The following NPAS3 variants were observed in gnomAD, a reference collection of about 807,000 sequenced individuals.
NPAS3 encodes neuronal PAS domain-containing protein 3.
A neutral mutation model predicts 73.1 loss-of-function variants in NPAS3; 14 were observed. The ratio of observed to expected loss-of-function variants is 0.19; its 90% confidence interval spans 0.13 to 0.30. The LOEUF is 0.30. Among genes scored for constraint, NPAS3 ranks in the 10% least tolerant of loss-of-function variants. The pLI is 1.00. For missense variants in NPAS3, 1,096 were observed against 1,250.0 expected, an observed-to-expected ratio of 0.88 and a Z score of 1.86; for synonymous variants, 620 against 541.5, an observed-to-expected ratio of 1.14 and a Z score of -2.01.
intron 3 of NPAS3, among the ~76,000 whole-genome samples, chr14:33,345,675 C>A (rs1042061900): frequency 1.1e-4 from 16 of 152,186 alleles, no homozygotes; most frequent in African/African-American, 3.9e-4. Flanking sequence ...CAGAATTAAA[C>A]TTTTATGACT....
intron 7 of NPAS3, among the ~76,000 whole-genome samples, chr14:33,763,903 A>G (rs1322496482): frequency 6.6e-6 from 1 of 151,536 alleles, no homozygotes; most frequent in Non-Finnish European, 1.5e-5. Context: ...AATTTTAACT[A>G]TAAGAAATAG....
intron 2 of NPAS3, among the ~76,000 whole-genome samples, chr14:33,140,270 C>T (rs1224656449): frequency 2.0e-5 from 3 of 152,058 alleles, no homozygotes; most frequent in Non-Finnish European, 1.5e-5. Context: ...GTGGCTAATA[C>T]ATCACTCAGA....
chr14:33,714,564 C>A (rs1352428644), intron 6 of NPAS3, among the ~76,000 whole-genome samples: 1 of 152,142 alleles, frequency 6.6e-6, no homozygotes, highest in Non-Finnish European at 1.5e-5. Flanking sequence ...AAAATTGAGT[C>A]TTTCTTAGGA....
At chr14:33,747,905 C>G (rs1289831580) in intron 7 of NPAS3, among the ~76,000 whole-genome samples, 1 of 152,172 alleles carries the variant, frequency 6.6e-6, no homozygotes, top group Non-Finnish European at 1.5e-5. Flanking sequence ...ACCTCCCCAT[C>G]TACAATATAT....
intron 5 of NPAS3, among the ~76,000 whole-genome samples, chr14:33,672,639 A>G (rs1007667268): frequency 1.3e-5 from 2 of 152,274 alleles, no homozygotes; most frequent in African/African-American, 4.8e-5. Context: ...TTTGAGGCAC[A>G]GAATTTAGTA....
intron 6 of NPAS3, among the ~76,000 whole-genome samples, chr14:33,719,032 G>T (rs1396114418): frequency 2.0e-5 from 3 of 152,126 alleles, no homozygotes; most frequent in Non-Finnish European, 4.4e-5. Context: ...GGAGGCTGAG[G>T]TTGGAGGATT....
At chr14:33,125,550 T>G (rs1456590837) in intron 2 of NPAS3, among the ~76,000 whole-genome samples, 1 of 152,164 alleles carries the variant, frequency 6.6e-6, no homozygotes, top group Non-Finnish European at 1.5e-5. Flanking sequence ...AGGACGTTAC[T>G]CACCTCTGAA....
chr14:33,255,154 T>A (rs531378786), intron 3 of NPAS3, among the ~76,000 whole-genome samples: 1 of 152,322 alleles, frequency 6.6e-6, no homozygotes, highest in Admixed American at 6.5e-5. Context: ...ATGGCTAACA[T>A]AGCAGGTTTG....
intron 3 of NPAS3, among the ~76,000 whole-genome samples, chr14:33,349,765 T>A (rs958362883): frequency 1.3e-5 from 2 of 152,246 alleles, no homozygotes; most frequent in Non-Finnish European, 2.9e-5. Context: ...CCTTTTCCCG[T>A]CCTGATGGGA....
intron 2 of NPAS3, among the ~76,000 whole-genome samples, chr14:33,112,968 G>T (rs898302234): frequency 6.6e-6 from 1 of 152,194 alleles, no homozygotes; most frequent in Non-Finnish European, 1.5e-5. Context: ...TCAAAGATCA[G>T]ATAGTTGTAG....
intron 2 of NPAS3, among the ~76,000 whole-genome samples, chr14:33,109,687 A>G (rs113987831): frequency 3.9e-5 from 6 of 152,072 alleles, no homozygotes; most frequent in African/African-American, 1.2e-4. Flanking sequence ...TGTCTCAGAT[A>G]CCGTATTGAG....
intron 4 of NPAS3, among the ~76,000 whole-genome samples, chr14:33,453,771 C>A (rs2139414072): frequency 6.6e-6 from 1 of 152,312 alleles, no homozygotes; most frequent in African/African-American, 2.4e-5. Context: ...TCCTCCTTAC[C>A]TGGAGACCCA....
intron 6 of NPAS3, among the ~76,000 whole-genome samples, chr14:33,693,791 C>A (rs1278548715): frequency 6.6e-6 from 1 of 152,094 alleles, no homozygotes; most frequent in African/African-American, 2.4e-5. Context: ...TTTCAAAAAC[C>A]AAACCTAATC....
At chr14:33,027,762 A>G (rs1187635043) in intron 1 of NPAS3, among the ~76,000 whole-genome samples, 1 of 152,164 alleles carries the variant, frequency 6.6e-6, no homozygotes, top group Non-Finnish European at 1.5e-5. Context: ...TACAAGGGGC[A>G]GTAGATCTCC....
At chr14:33,669,179 T>C (rs2059540766) in intron 5 of NPAS3, among the ~76,000 whole-genome samples, 1 of 152,196 alleles carries the variant, frequency 6.6e-6, no homozygotes, top group Non-Finnish European at 1.5e-5. Flanking sequence ...AGAAACCGAC[T>C]TCAGTTACTT....
In NPAS3 at chr14:33,198,623, C is replaced by T. The variant is rs2046476991; in HGVS notation, c.141-16559C>T. Among the ~76,000 whole-genome samples the T allele has an allele frequency of 3.9e-5, 6 of 152,228 alleles. 1 individual carries two copies. In the South Asian group the frequency reaches 8.3e-4, roughly 21 times the overall value. On this transcript the variant is annotated intron_variant, in intron 2 of 11. Transcript: ENST00000356141. ...GATTGGTGTATTTATACTCCTTTGG[C>T]TAGACATAAAAGTTCTCCAAGTCCC...
At chr14:33,440,115 CAAAA>C (rs368527118) in intron 4 of NPAS3, among the ~76,000 whole-genome samples, 1 of 110,160 alleles carries the variant, frequency 9.1e-6, no homozygotes. Flanking sequence ...CAGTCTGTCT[CAAAA>C]AAAAAAAAAA....
chr14:33,317,026 C>A (rs766249311), intron 3 of NPAS3, among the ~76,000 whole-genome samples: 22 of 152,032 alleles, frequency 1.4e-4, no homozygotes, highest in Non-Finnish European at 2.8e-4. Flanking sequence ...TCAGATTTGA[C>A]TTCAGTGTCT....
At chr14:33,617,040 AAG>A (rs2140077156) in intron 5 of NPAS3, among the ~76,000 whole-genome samples, 1 of 152,326 alleles carries the variant, frequency 6.6e-6, no homozygotes, top group East Asian at 1.9e-4. Flanking sequence ...CAAAGGCTAA[AAG>A]ATGAATCTGT....
Sources: gnomAD v4.1 joint callset for allele counts (sites outside exome capture counted in the v4.1 genomes callset) on GRCh38, gnomAD v4.1.1 for gene constraint, MANE v1.5 for transcripts, NCBI Gene and HGNC (gene_info 2026-07-23, HGNC 2026-07-21) for gene names.